IGSF21: variants seen among roughly 807,000 people sequenced by gnomAD.
IGSF21 encodes the protein immunoglobin superfamily member 21.
Under a neutral mutation model 46.8 loss-of-function variants are expected in IGSF21, and 28 were observed. That is an observed-to-expected ratio of 0.60 (90% CI 0.44 to 0.82). The LOEUF is 0.82. Ranked by LOEUF, IGSF21 falls within the 40% of genes least tolerant of loss-of-function variation. The pLI is 0.00. For missense variants in IGSF21, 624 were observed against 665.5 expected (o/e 0.94, Z 0.69); for synonymous variants, 284 against 273.6 (o/e 1.04, Z -0.38).
chr1:18,124,924 C>A (rs2086263345), intron 1 of IGSF21, among the ~76,000 whole-genome samples: 1 of 152,040 alleles, frequency 6.6e-6, no homozygotes, highest in African/African-American at 2.4e-5. Flanking sequence ...GTGCAAGTGA[C>A]CAGGGAGATG....
intron 7 of IGSF21, 92 bp from the exon 8 acceptor site, chr1:18,376,708 G>A: frequency 1.6e-6 from 2 of 1,259,560 alleles, no homozygotes; most frequent in South Asian, 1.4e-5. Flanking sequence ...TGAGAATGCT[G>A]TGCCACCCCT....
chr1:18,371,571 CAA>C (rs35847424), intron 6 of IGSF21, among the ~76,000 whole-genome samples: 2 of 119,640 alleles, frequency 1.7e-5, no homozygotes, highest in African/African-American at 2.9e-5. Context: ...GACTCCATTT[CAA>C]AAAAAAAAAA....
intron 2 of IGSF21, among the ~76,000 whole-genome samples, chr1:18,245,011 C>T (rs112494776): frequency 3.2e-4 from 49 of 152,236 alleles, no homozygotes; most frequent in African/African-American, 8.9e-4. Context: ...CAGTGCCTGA[C>T]GCTATATAAA....
At chr1:18,172,868 T>A (rs2086753071) in intron 1 of IGSF21, among the ~76,000 whole-genome samples, 1 of 152,216 alleles carries the variant, frequency 6.6e-6, no homozygotes, top group Non-Finnish European at 1.5e-5. Flanking sequence ...AAGTCTGCAC[T>A]TTAAAGTGTG....
chr1:18,305,833 G>T (rs1273959612), intron 3 of IGSF21, among the ~76,000 whole-genome samples: 5 of 152,234 alleles, frequency 3.3e-5, no homozygotes, highest in South Asian at 2.1e-4. Context: ...CTGCAGGGCA[G>T]GGAAGCCGTC....
rs568834110 is a variant in IGSF21 at position 18,267,252 on chromosome 1, A to C, written c.184-24614A>C. ...ATTTGGGGAGATACGGGAAGAACTT[A>C]TTCAGGAGAGTCAATTTGTGTGGGC... On this transcript the variant is annotated intron_variant, in intron 2 of 9. Coordinates refer to ENST00000251296, the MANE Select transcript of IGSF21 (RefSeq NM_032880.5). 2.6e-5 allele frequency among the ~76,000 whole-genome samples: 4 copies of C among 152,320 alleles called. No homozygotes were observed. In the South Asian group the frequency reaches 8.3e-4, roughly 32 times the overall value.
chr1:18,359,377 A>AG (rs1465412723), intron 4 of IGSF21, among the ~76,000 whole-genome samples: 46 of 107,414 alleles, frequency 4.3e-4, no homozygotes, highest in Middle Eastern at 8.8e-3. Flanking sequence ...AAAGAAAGAA[A>AG]GAAAGAAAGG....
chr1:18,290,482 G>A lies in IGSF21; in HGVS notation c.184-1384G>A, dbSNP rs1056395219. On this transcript the variant is annotated intron_variant, in intron 2 of 9. Coordinates refer to ENST00000251296, the MANE Select transcript of IGSF21 (RefSeq NM_032880.5). The surrounding 1 kb of genome is among the most constrained non-coding windows in gnomAD (Gnocchi z 4.2). Reference sequence around the variant, plus strand: ...CTTCTCATGATTCTAACCATCCCCCGTCCTCACAGAGGCCACCTTACTCTT... The same window carrying A: ...CTTCTCATGATTCTAACCATCCCCCATCCTCACAGAGGCCACCTTACTCTT... Among the ~76,000 whole-genome samples, 8 of 152,130 alleles carry A rather than the reference G, an allele frequency of 5.3e-5. No individual in the cohort carries two copies. Among genetic ancestry groups the A allele is most frequent in the South Asian group, 2.1e-4 (1 of 4,832 alleles).
chr1:18,317,607 A>G (rs999539307), intron 3 of IGSF21, among the ~76,000 whole-genome samples: 3 of 152,066 alleles, frequency 2.0e-5, no homozygotes, highest in Non-Finnish European at 4.4e-5. Flanking sequence ...GGTGCACCCA[A>G]TGGCTCCACA....
intron 1 of IGSF21, among the ~76,000 whole-genome samples, chr1:18,197,908 G>A (rs2087025689): frequency 6.6e-6 from 1 of 152,154 alleles, no homozygotes; most frequent in African/African-American, 2.4e-5. Flanking sequence ...GTGGCCACTG[G>A]CTTCTATAAG....
intron 1 of IGSF21, among the ~76,000 whole-genome samples, chr1:18,159,010 C>T (rs2086593027): frequency 6.6e-6 from 1 of 152,194 alleles, no homozygotes; most frequent in East Asian, 1.9e-4. Context: ...CACCTCCTCC[C>T]AGACCCTCCC....
chr1:18,317,347 C>T (rs1291738268), intron 3 of IGSF21, among the ~76,000 whole-genome samples: 5 of 152,184 alleles, frequency 3.3e-5, no homozygotes, highest in Non-Finnish European at 7.3e-5. Flanking sequence ...GATTAAGAGA[C>T]ATTGCACAGA....
At chr1:18,188,480 A>G (rs1251366572) in intron 1 of IGSF21, among the ~76,000 whole-genome samples, 1 of 152,228 alleles carries the variant, frequency 6.6e-6, no homozygotes, top group East Asian at 1.9e-4. Context: ...CCACATCCTC[A>G]CAAAGTAAAA....
Position 18,334,897 on chromosome 1 carries a change from C to T in IGSF21, c.311C>T (p.Pro104Leu). Residue 104 changes from proline to leucine, a missense_variant, in exon 4 of 10, where the codon CCC (proline) becomes CTC (leucine). Pro to Leu is a moderately conservative substitution (Grantham distance 98, BLOSUM62 -3). Coordinates refer to ENST00000251296, the MANE Select transcript of IGSF21 (RefSeq NM_032880.5). The surrounding 1 kb of genome is among the most constrained non-coding windows in gnomAD (Gnocchi z 4.3). The stretch of plus-strand genomic sequence containing the variant: ...CTGTCTTCTGCCTCCCCCAGGCTGC[C>T]CGAGGTCCGGATCTCAGACAATGGT... ...DLVYQSTVRLPEVRISDNGPY... is the reference protein window; with the variant it reads ...DLVYQSTVRLLEVRISDNGPY... The T allele has an allele frequency of 6.2e-7, 1 of 1,613,710 alleles. No homozygotes were observed. Among genetic ancestry groups the T allele is most frequent in the South Asian group, 1.1e-5 (1 of 91,064 alleles).
At chr1:18,269,036 C>T (rs745837032) in intron 2 of IGSF21, among the ~76,000 whole-genome samples, 35 of 152,236 alleles carry the variant, frequency 2.3e-4, no homozygotes, top group Admixed American at 7.8e-4. Flanking sequence ...CTCAGCTCCT[C>T]GTCCAAACCT....
chr1:18,157,214 C>T (rs528296238), intron 1 of IGSF21, among the ~76,000 whole-genome samples: 2 of 152,296 alleles, frequency 1.3e-5, no homozygotes, highest in South Asian at 4.1e-4. Flanking sequence ...AGTCCAGGGC[C>T]CCAGACTCCC....
chr1:18,289,122 C>T (rs1244632477), intron 2 of IGSF21, among the ~76,000 whole-genome samples: 1 of 151,968 alleles, frequency 6.6e-6, no homozygotes, highest in Non-Finnish European at 1.5e-5. Context: ...TTTGAGGAGA[C>T]AGTTTTACTG....
intron 1 of IGSF21, among the ~76,000 whole-genome samples, chr1:18,167,531 C>T (rs1368626228): frequency 6.6e-6 from 1 of 152,110 alleles, no homozygotes; most frequent in Non-Finnish European, 1.5e-5. Context: ...AAAGTGATCC[C>T]TGTGGAAAGG....
At chr1:18,171,381 G>A (rs757185018) in intron 1 of IGSF21, among the ~76,000 whole-genome samples, 7 of 152,130 alleles carry the variant, frequency 4.6e-5, no homozygotes, top group Non-Finnish European at 8.8e-5. Flanking sequence ...AGGGGAAATC[G>A]CTCCCCTCTC....
Sources: allele counts gnomAD v4.1 joint callset (sites outside exome capture counted in the v4.1 genomes callset), GRCh38; gene constraint gnomAD v4.1.1; non-coding constraint Gnocchi (gnomAD v3.1); transcripts MANE v1.5; gene names NCBI Gene and HGNC (gene_info 2026-07-23, HGNC 2026-07-21).